HMCN1: variants seen among roughly 807,000 people sequenced by gnomAD.
HMCN1 encodes hemicentin-1.
HMCN1 carries 321 observed loss-of-function variants against 625.9 expected under a neutral mutation model. The observed-to-expected ratio is 0.51, with a 90% CI of 0.47 to 0.56. The LOEUF is 0.56. Ranked by LOEUF, HMCN1 falls within the 20% of genes least tolerant of loss-of-function variation. The pLI, the probability that HMCN1 is intolerant of heterozygous loss-of-function variation, is 0.00. For synonymous variants in HMCN1, 2,425 were observed against 2,417.6 expected, an observed-to-expected ratio of 1.00 and a Z score of -0.09; for missense variants, 6,588 against 6,887.3, an observed-to-expected ratio of 0.96 and a Z score of 1.54.
chr1:185,778,501 C>A (rs964179988), intron 1 of HMCN1, among the ~76,000 whole-genome samples: 1 of 129,794 alleles, frequency 7.7e-6, no homozygotes, highest in South Asian at 3.1e-4. Flanking sequence ...CCCCCCGCCC[C>A]CACCCCACAA....
At chr1:186,032,353 C>T (rs1478757045) in intron 36 of HMCN1, among the ~76,000 whole-genome samples, 1 of 152,074 alleles carries the variant, frequency 6.6e-6, no homozygotes, top group Non-Finnish European at 1.5e-5. Context: ...ATTGAAACCA[C>T]AATGAGATAC....
intron 4 of HMCN1, among the ~76,000 whole-genome samples, chr1:185,904,326 A>G (rs1008592789): frequency 1.3e-5 from 2 of 151,964 alleles, no homozygotes; most frequent in Non-Finnish European, 2.9e-5. Context: ...TGCCATTGCT[A>G]TAACATAGGG....
intron 102 of HMCN1, among the ~76,000 whole-genome samples, chr1:186,172,344 C>A (rs918022649): frequency 6.6e-6 from 1 of 152,090 alleles, no homozygotes; most frequent in Non-Finnish European, 1.5e-5. Flanking sequence ...AAACTTATGA[C>A]CATTTTGAGC....
intron 30 of HMCN1, 80 bp downstream of exon 30, chr1:186,007,362 T>G (rs1398719268): frequency 7.9e-7 from 1 of 1,273,286 alleles, no homozygotes; most frequent in Non-Finnish European, 1.1e-6. Context: ...AACTACACTC[T>G]TATTTCATAC....
chr1:186,107,966 A>G (rs1660693943), intron 70 of HMCN1, among the ~76,000 whole-genome samples: 1 of 151,156 alleles, frequency 6.6e-6, no homozygotes, highest in South Asian at 2.1e-4. Context: ...ATGACTAGGC[A>G]GCGCAAACTG....
intron 80 of HMCN1, among the ~76,000 whole-genome samples, chr1:186,122,278 A>G (rs1661431322): frequency 6.6e-6 from 1 of 152,164 alleles, no homozygotes. Context: ...TCTTAATACG[A>G]TTATCAGTTA....
chr1:186,101,895 A>G (rs1660400108), intron 68 of HMCN1, among the ~76,000 whole-genome samples: 1 of 152,144 alleles, frequency 6.6e-6, no homozygotes, highest in African/African-American at 2.4e-5. Context: ...AAGCATAGAC[A>G]TTTTATAATT....
At chr1:185,901,420 A>G (rs1292707165) in intron 4 of HMCN1, among the ~76,000 whole-genome samples, 1 of 151,738 alleles carries the variant, frequency 6.6e-6, no homozygotes, top group Non-Finnish European at 1.5e-5. Flanking sequence ...AAAGAAATTC[A>G]CCACATGTTA....
At chr1:185,971,638 A>G (rs142965178) in intron 15 of HMCN1, among the ~76,000 whole-genome samples, 139 of 152,278 alleles carry the variant, frequency 9.1e-4, no homozygotes, top group African/African-American at 3.1e-3. Flanking sequence ...TTTTTCTTAG[A>G]ATATAGTAAC....
intron 4 of HMCN1, among the ~76,000 whole-genome samples, chr1:185,900,713 T>C (rs1189037164): frequency 6.6e-6 from 1 of 151,916 alleles, no homozygotes; most frequent in Non-Finnish European, 1.5e-5. Flanking sequence ...GCTCCTTGTT[T>C]TTGAAGAGAT....
At chr1:185,950,153 C>G (rs889480645) in intron 11 of HMCN1, among the ~76,000 whole-genome samples, 6 of 151,264 alleles carry the variant, frequency 4.0e-5, no homozygotes, top group African/African-American at 1.5e-4. Flanking sequence ...GGTGTGGTAT[C>G]GGGAATAATG....
chr1:186,181,743 A>G (rs1652948286), intron 104 of HMCN1, among the ~76,000 whole-genome samples: 3 of 152,242 alleles, frequency 2.0e-5, no homozygotes, highest in African/African-American at 7.2e-5. Flanking sequence ...AATACAATAA[A>G]AACAAATAGT....
intron 1 of HMCN1, among the ~76,000 whole-genome samples, chr1:185,808,102 T>C (rs1196629759): frequency 1.3e-5 from 2 of 152,088 alleles, no homozygotes. Context: ...TCCCAGCACT[T>C]TGGGAGGCGA....
chr1:185,924,041 C>T (rs1419329460), intron 8 of HMCN1, among the ~76,000 whole-genome samples: 1 of 152,110 alleles, frequency 6.6e-6, no homozygotes, highest in Non-Finnish European at 1.5e-5. Flanking sequence ...TAGTAAACAA[C>T]AGGTGATCAC....
Position 186,152,744 on chromosome 1 carries a change from TC to T in HMCN1, c.14897-3del, listed in dbSNP as rs1185983037. ...GCTGTCAAAATGAATGTCTTGTAAT[TC>T]CCAGGAGAAATCTTGCAGATGAGTC... On this transcript the variant is annotated splice_region_variant and splice_polypyrimidine_tract_variant and intron_variant, in intron 95 of 106. Coordinates refer to ENST00000271588, the MANE Select transcript of HMCN1 (RefSeq NM_031935.3). The T allele has an allele frequency of 1.9e-6, 3 of 1,613,620 alleles. No homozygotes were observed. The highest frequency in any genetic ancestry group is 2.2e-5 in the East Asian group (1 of 44,870).
intron 98 of HMCN1, 60 bp from the exon 99 acceptor site, chr1:186,166,124 T>C (rs1651861966): frequency 6.2e-7 from 1 of 1,601,148 alleles, no homozygotes; most frequent in Non-Finnish European, 8.5e-7. Flanking sequence ...CTGGCTTTAA[T>C]AACTCCCAGA....
At position 186,125,735 on chromosome 1, in the gene HMCN1, A is replaced by T. The variant is rs1661609889; in HGVS notation, c.12631A>T (p.Asn4211Tyr). The T allele has an allele frequency of 1.1e-5, 17 of 1,613,456 alleles. No homozygotes were observed. Among genetic ancestry groups the T allele is most frequent in the Non-Finnish European group, 1.4e-5 (17 of 1,179,482 alleles). ...NWKKDNVLLA[N>Y]LLGKYTAEPY... ...GAAAAAAGACAATGTTCTTTTAGCTAACTTGTTAGGAAAATACACTGCTGA... is the reference window on the plus strand; with the variant it reads ...GAAAAAAGACAATGTTCTTTTAGCTTACTTGTTAGGAAAATACACTGCTGA... The change falls in exon 82 of 107, where the codon AAC (asparagine) becomes TAC (tyrosine). Residue 4211 changes from asparagine to tyrosine, a missense_variant. By Grantham distance (143) the Asn-to-Tyr change is moderately radical. This residue lies in a region of HMCN1 where 1,954 missense variants were observed against 2,013.1 expected (regional missense o/e 0.97). Coordinates refer to ENST00000271588, the MANE Select transcript of HMCN1 (RefSeq NM_031935.3).
rs371407048 is a variant in HMCN1 at position 185,942,147 on chromosome 1, C to T, written c.1828+8323C>T. On this transcript the variant is annotated intron_variant, in intron 11 of 106. Transcript: ENST00000271588. ...CGGAGGTTGTAGTGAGCCGAGATCA[C>T]GCCACTGCACTCCAGCCTGGGCCAC... is the stretch of plus-strand genomic sequence containing the variant. 8.0e-4 allele frequency among the ~76,000 whole-genome samples: 118 copies of T among 147,716 alleles called. 1 individual carries two copies. Among genetic ancestry groups the T allele is most frequent in the East Asian group, 5.9e-4 (3 of 5,050 alleles).
At chr1:186,075,457 A>G (rs1010461178) in intron 53 of HMCN1, among the ~76,000 whole-genome samples, 1 of 152,194 alleles carries the variant, frequency 6.6e-6, no homozygotes, top group African/African-American at 2.4e-5. Flanking sequence ...AATGATGATT[A>G]TGGCTTTTAA....
Sources: gnomAD v4.1 joint callset for allele counts (sites outside exome capture counted in the v4.1 genomes callset) on GRCh38, gnomAD v4.1.1 for gene constraint, gnomAD v4.1.1 regional missense constraint, MANE v1.5 for transcripts, NCBI Gene and HGNC (gene_info 2026-07-23, HGNC 2026-07-21) for gene names.